Variants in PRKCA observed in about 807,000 individuals in gnomAD.
PRKCA encodes the protein protein kinase C alpha.
PRKCA carries 27 observed loss-of-function variants against 87.0 expected under a neutral mutation model. The ratio of observed to expected loss-of-function variants is 0.31; its 90% CI spans 0.23 to 0.43. The LOEUF is 0.43. PRKCA is among the 20% of genes least tolerant of loss of function. The pLI is 1.00. For missense variants in PRKCA, 518 were observed against 852.3 expected (o/e 0.61, Z 4.88); for synonymous variants, 329 against 311.1 (o/e 1.06, Z -0.61).
chr17:66,377,689 A>AT (rs1238992089), intron 2 of PRKCA, among the ~76,000 whole-genome samples: 4 of 132,512 alleles, frequency 3.0e-5, no homozygotes, highest in African/African-American at 1.1e-4. Context: ...ATATATATAT[A>AT]AAGTCTATGT....
intron 2 of PRKCA, among the ~76,000 whole-genome samples, chr17:66,347,916 A>C (rs1907492729): frequency 7.1e-6 from 1 of 140,194 alleles, no homozygotes; most frequent in Non-Finnish European, 1.5e-5. Flanking sequence ...TTTATGTGTC[A>C]GAATATTTAC....
intron 2 of PRKCA, among the ~76,000 whole-genome samples, chr17:66,389,463 C>G (rs1425905040): frequency 1.3e-5 from 2 of 152,196 alleles, no homozygotes; most frequent in African/African-American, 4.8e-5. Context: ...CATAAGGACA[C>G]CTTTGCAGGG....
At chr17:66,306,917 G>T (rs112157067) in intron 2 of PRKCA, among the ~76,000 whole-genome samples, 2 of 152,136 alleles carry the variant, frequency 1.3e-5, no homozygotes, top group African/African-American at 4.8e-5. Flanking sequence ...ATTTAGTTCT[G>T]GTTCCATTTC....
intron 3 of PRKCA, among the ~76,000 whole-genome samples, chr17:66,609,350 G>A (rs1357496032): frequency 6.6e-6 from 1 of 152,192 alleles, no homozygotes; most frequent in Non-Finnish European, 1.5e-5. Context: ...GTAAATGAAT[G>A]AATGAATGAG....
intron 16 of PRKCA, among the ~76,000 whole-genome samples, chr17:66,802,814 C>G (rs1975930967): frequency 1.3e-5 from 2 of 152,168 alleles, no homozygotes; most frequent in Non-Finnish European, 2.9e-5. Context: ...CCAAGGATGC[C>G]TGGTTAGTTT....
At chr17:66,721,142 A>C (rs1244008316) in intron 8 of PRKCA, among the ~76,000 whole-genome samples, 1 of 152,136 alleles carries the variant, frequency 6.6e-6, no homozygotes, top group Non-Finnish European at 1.5e-5. Context: ...CACACCTGTA[A>C]TCCCAGCACT....
intron 3 of PRKCA, among the ~76,000 whole-genome samples, chr17:66,588,753 G>GC (rs985002924): frequency 4.2e-5 from 6 of 142,538 alleles, no homozygotes; most frequent in Admixed American, 7.6e-5. Context: ...CAATTCTAGT[G>GC]CCCTAGCCTC....
intron 5 of PRKCA, among the ~76,000 whole-genome samples, chr17:66,649,485 C>T (rs1971536905): frequency 6.6e-6 from 1 of 152,206 alleles, no homozygotes; most frequent in African/African-American, 2.4e-5. Flanking sequence ...TATTATCCTC[C>T]TTCTTGAAAT....
intron 3 of PRKCA, among the ~76,000 whole-genome samples, chr17:66,638,040 A>C (rs1971190246): frequency 6.6e-6 from 1 of 152,180 alleles, no homozygotes; most frequent in Admixed American, 6.6e-5. Context: ...GAAAATATGT[A>C]AATAAAGGAG....
intron 3 of PRKCA, among the ~76,000 whole-genome samples, chr17:66,632,031 T>C (rs1971028633): frequency 6.6e-6 from 1 of 152,154 alleles, no homozygotes; most frequent in Non-Finnish European, 1.5e-5. Context: ...ATAGACACCT[T>C]CTTCTGCAGA....
intron 3 of PRKCA, among the ~76,000 whole-genome samples, chr17:66,602,418 T>C (rs1214773902): frequency 1.3e-5 from 2 of 149,982 alleles, no homozygotes; most frequent in Non-Finnish European, 3.0e-5. Context: ...TGCCTCGCCC[T>C]GCTTCGGCTC....
In PRKCA at chr17:66,381,180, A is replaced by G. The variant is rs201258818; in HGVS notation, c.205+75053A>G. ...TGGTCTCAAACTCTTGGCCTCAAGC[A>G]GTCCCCCTGCCTCGGCCTCCCAAAG... On this transcript the variant is annotated intron_variant, in intron 2 of 16. Coordinates refer to ENST00000413366, the MANE Select transcript of PRKCA (RefSeq NM_002737.3). Among the ~76,000 whole-genome samples, 4 of 152,224 alleles carry G rather than the reference A, an allele frequency of 2.6e-5. No homozygotes were observed. In the East Asian group the frequency reaches 7.7e-4, roughly 29 times the overall value.
chr17:66,730,344 T>C (rs34757341), intron 8 of PRKCA, among the ~76,000 whole-genome samples: 23,904 of 151,870 alleles, frequency 0.16, 2,323 homozygotes, highest in South Asian at 0.26. Context: ...ACCTACAGAG[T>C]AAAGTGAAAG....
chr17:66,777,966 A>G (rs1015576903), intron 14 of PRKCA: 8 of 984,958 alleles, frequency 8.1e-6, no homozygotes, highest in Non-Finnish European at 9.6e-6. Context: ...TCTGGCAGAG[A>G]AGTCCCCTTT....
chr17:66,545,628 T>G (rs2143170486), intron 3 of PRKCA, among the ~76,000 whole-genome samples: 1 of 152,314 alleles, frequency 6.6e-6, no homozygotes, highest in Non-Finnish European at 1.5e-5. Flanking sequence ...GCTTAACCAC[T>G]GAGGCTCTGT....
At chr17:66,431,815 A>G (rs1000887049) in intron 2 of PRKCA, among the ~76,000 whole-genome samples, 1 of 152,168 alleles carries the variant, frequency 6.6e-6, no homozygotes, top group Non-Finnish European at 1.5e-5. Context: ...GCAGCTTTTA[A>G]TCTTCACTGA....
intron 3 of PRKCA, among the ~76,000 whole-genome samples, chr17:66,625,379 G>T (rs148311332): frequency 8.4e-4 from 128 of 152,258 alleles, no homozygotes; most frequent in African/African-American, 3.0e-3. Context: ...TGACAACAGG[G>T]TTCCTCTCTA....
rs549142014 is a variant in PRKCA, at chr17:66,784,181, TCA to T, written c.1606-2681_1606-2680del. On this transcript the variant is annotated intron_variant, in intron 14 of 16. Transcript: ENST00000413366. ...GGGCACATTTACATTGCAGAGAGGG[TCA>T]CACAGCCAGTTCAGGAGCCTTGAGC... is the stretch of plus-strand genomic sequence containing the variant. Among the ~76,000 whole-genome samples, 309 of 152,092 alleles carry T rather than the reference TCA, an allele frequency of 2.0e-3. 1 individual carries two copies. The highest frequency in any genetic ancestry group is 6.5e-3 in the African/African-American group (269 of 41,488).
intron 5 of PRKCA, among the ~76,000 whole-genome samples, chr17:66,658,291 C>T (rs59600424): frequency 0.051 from 7,816 of 152,122 alleles, 682 homozygotes; most frequent in African/African-American, 0.18. Flanking sequence ...ACCAGCCTGG[C>T]CAACATGGTG....
Sources: allele counts gnomAD v4.1 joint callset (sites outside exome capture counted in the v4.1 genomes callset), GRCh38; gene constraint gnomAD v4.1.1; transcripts MANE v1.5; gene names NCBI Gene and HGNC (gene_info 2026-07-23, HGNC 2026-07-21).